RUFY2: variants seen among roughly 807,000 people sequenced by gnomAD.
RUFY2 encodes RUN and FYVE domain containing 2, also known as RUN and FYVE domain-containing protein 2.
In RUFY2, 49 loss-of-function variants were observed where a neutral mutation model predicts 94.4. The observed-to-expected ratio is 0.52, with a 90% CI of 0.41 to 0.66. The LOEUF (loss-of-function observed/expected upper bound fraction) is 0.66. Ranked by LOEUF, RUFY2 falls within the 30% of genes least tolerant of loss-of-function variation. The pLI, the probability that RUFY2 is intolerant of heterozygous loss-of-function variation, is 0.00. For synonymous variants in RUFY2, 255 were observed against 235.7 expected (o/e 1.08, Z -0.75); for missense variants, 541 against 692.8 (o/e 0.78, Z 2.46).
At chr10:68,397,899 C>T (rs1322976821) in intron 3 of RUFY2, among the ~76,000 whole-genome samples, 1 of 151,852 alleles carries the variant, frequency 6.6e-6, no homozygotes, top group Non-Finnish European at 1.5e-5. Context: ...GAGGCCGAGG[C>T]GAGCGGATCA....
Position 68,407,273 on chromosome 10 carries a change from C to G in RUFY2, c.-84G>C. The G allele has an allele frequency of 3.3e-6, 4 of 1,195,302 alleles. No individual in the cohort carries two copies. Among genetic ancestry groups the G allele is most frequent in the Non-Finnish European group, 4.2e-6 (4 of 945,636 alleles). The allele number at this position is 1,195,302 out of a possible 1,614,324, so 74.0% of individuals were successfully genotyped here. A position where few individuals can be genotyped will look rare whatever the true frequency, so the allele number is the denominator to read the frequency against. On this transcript the variant is annotated 5_prime_UTR_variant, in exon 1 of 18. It removes an upstream start codon present in the reference 5' UTR. Coordinates refer to ENST00000602465, the MANE Select transcript of RUFY2 (RefSeq NM_001330103.2). ...TCCAGGCGCTCGGCGGCCACCACCG[C>G]ATCTGCAGCCAGGCCCGCTGCAGCC...
At chr10:68,353,496 CA>C (rs1211739637) in intron 16 of RUFY2, among the ~76,000 whole-genome samples, 28 of 144,356 alleles carry the variant, frequency 1.9e-4, no homozygotes, top group Admixed American at 4.2e-4. Flanking sequence ...GACTCCGTCT[CA>C]AAAAAAAAAA....
chr10:68,406,940 C>G (rs1276475917), intron 1 of RUFY2: 2 of 1,553,272 alleles, frequency 1.3e-6, no homozygotes, highest in Non-Finnish European at 1.7e-6. Context: ...GCCGTGGCAC[C>G]TCGAGCCCTC....
chr10:68,372,255 C>T (rs1457903600), intron 13 of RUFY2, among the ~76,000 whole-genome samples: 3 of 151,880 alleles, frequency 2.0e-5, no homozygotes, highest in South Asian at 2.1e-4. Context: ...TAAAAATTAG[C>T]CAGGTGTGGT....
At chr10:68,403,863 T>C (rs895292699) in intron 2 of RUFY2, among the ~76,000 whole-genome samples, 25 of 150,788 alleles carry the variant, frequency 1.7e-4, no homozygotes, top group Non-Finnish European at 3.1e-4. Flanking sequence ...ACACTCAGAG[T>C]TCACTGAAGC....
intron 12 of RUFY2, chr10:68,378,543 G>C (rs1454073649): frequency 6.4e-7 from 1 of 1,557,896 alleles, no homozygotes; most frequent in African/African-American, 1.4e-5. Context: ...CATTTAGTCT[G>C]TTTAAATACA....
intron 13 of RUFY2, among the ~76,000 whole-genome samples, chr10:68,375,952 T>C (rs1463679598): frequency 1.3e-5 from 2 of 150,680 alleles, no homozygotes; most frequent in Non-Finnish European, 3.0e-5. Context: ...TACAAAAACT[T>C]AGCCAGGTGT....
chr10:68,378,110 A>C lies in RUFY2; in HGVS notation c.1206-1138T>G, dbSNP rs1205061757. 5.1e-6 allele frequency: 5 copies of C among 985,488 alleles called. No individual in the cohort carries two copies. The African/African-American group carries it at 8.7e-5, about 17-fold the overall frequency. 61.0% of individuals were successfully genotyped at this position (985,488 alleles called of 1,614,324 possible). A position where few individuals can be genotyped will look rare whatever the true frequency, so the allele number is the denominator to read the frequency against. On this transcript the variant is annotated intron_variant, in intron 12 of 17. Coordinates refer to ENST00000602465, the MANE Select transcript of RUFY2 (RefSeq NM_001330103.2). ...GAGAACCGGAAAACTGAGAAGCTGA[A>C]GCACAGGGTGTTGGCCAGTCTGGGT...
Position 68,379,420 on chromosome 10 carries a change from G to T in RUFY2, c.1205+4C>A. On this transcript the variant is annotated splice_donor_region_variant and intron_variant, in intron 12 of 17. Transcript: ENST00000602465. ...AAAAGAAACTAAGACTGGAAATGCT[G>T]TACCTTTGTTCCAGCTGCCTCATGG... 2.5e-6 allele frequency: 4 copies of T among 1,592,334 alleles called. No individual in the cohort carries two copies. Among genetic ancestry groups the T allele is most frequent in the Non-Finnish European group, 2.6e-6 (3 of 1,169,550 alleles).
intron 4 of RUFY2, among the ~76,000 whole-genome samples, chr10:68,395,565 T>C (rs2050333953): frequency 3.3e-5 from 5 of 152,182 alleles, no homozygotes; most frequent in Admixed American, 2.0e-4. Context: ...ATATTATAAA[T>C]CTTAATAGAT....
At chr10:68,341,471 TAATA>T, downstream of RUFY2, 2 of 994,472 alleles carry the variant, frequency 2.0e-6, no homozygotes, top group Non-Finnish European at 3.0e-6. Flanking sequence ...TACTAGTAAT[TAATA>T]AGCATACTTT....
chr10:68,351,451 T>G (rs2046668650), intron 16 of RUFY2, among the ~76,000 whole-genome samples: 1 of 143,156 alleles, frequency 7.0e-6, no homozygotes, highest in African/African-American at 2.6e-5. Context: ...CCATCTTTTT[T>G]TTTTTTTTTT....
chr10:68,378,293 A>G, intron 12 of RUFY2: 1 of 1,144,290 alleles, frequency 8.7e-7, no homozygotes, highest in Non-Finnish European at 1.1e-6. Flanking sequence ...GTAGCTAAAA[A>G]GATAAAACTG....
intron 16 of RUFY2, among the ~76,000 whole-genome samples, chr10:68,350,262 C>T (rs1482705840): frequency 6.6e-6 from 1 of 152,080 alleles, no homozygotes; most frequent in South Asian, 2.1e-4. Flanking sequence ...CCACCTGGCT[C>T]GGCCTCCCAA....
At chr10:68,406,788 G>A in intron 1 of RUFY2, 1 of 1,611,770 alleles carries the variant, frequency 6.2e-7, no homozygotes, top group South Asian at 1.1e-5. Context: ...CCCGTCTCCC[G>A]CCCTCGGCGT....
chr10:68,405,085 C>A (rs562076508), intron 1 of RUFY2, among the ~76,000 whole-genome samples: 1 of 152,106 alleles, frequency 6.6e-6, no homozygotes, highest in African/African-American at 2.4e-5. Flanking sequence ...GAGGCCAAGG[C>A]GGGTGGATCA....
intron 12 of RUFY2, 47 bp downstream of exon 12, chr10:68,379,377 A>C: frequency 7.3e-7 from 1 of 1,361,022 alleles, no homozygotes; most frequent in Non-Finnish European, 1.0e-6. Flanking sequence ...ATAAAGAAAA[A>C]GGGAAGAAGA....
chr10:68,393,116 G>T, intron 7 of RUFY2, 22 bp downstream of exon 7: 1 of 1,286,936 alleles, frequency 7.8e-7, no homozygotes, highest in Non-Finnish European at 1.1e-6. Flanking sequence ...TCATAAATGT[G>T]CTAAGTATCC....
chr10:68,387,217 C>T (rs1198277506), intron 7 of RUFY2, among the ~76,000 whole-genome samples: 2 of 151,960 alleles, frequency 1.3e-5, no homozygotes, highest in African/African-American at 4.8e-5. Flanking sequence ...CTTAGCCAAG[C>T]GTGGTGGCGG....
Sources: allele counts gnomAD v4.1 joint callset (sites outside exome capture counted in the v4.1 genomes callset), GRCh38; gene constraint gnomAD v4.1.1; transcripts MANE v1.5; gene names NCBI Gene and HGNC (gene_info 2026-07-23, HGNC 2026-07-21).